The following VRK2 variants were observed in gnomAD, a reference collection of about 807,000 sequenced individuals.
VRK2 encodes serine/threonine-protein kinase VRK2.
In VRK2, 60 loss-of-function variants were observed where a neutral mutation model predicts 57.6. The observed-to-expected ratio is 1.04, with a 90% CI of 0.85 to 1.29. VRK2 has a LOEUF of 1.29. Among genes scored for constraint, VRK2 ranks in the 50% most tolerant of loss-of-function variants. VRK2 has a pLI of 0.00. For synonymous variants in VRK2, 231 were observed against 199.2 expected, an observed-to-expected ratio of 1.16 and a Z score of -1.35; for missense variants, 705 against 588.1, an observed-to-expected ratio of 1.20 and a Z score of -2.06.
At chr2:58,157,095 A>C (rs1184310082) in intron 12 of VRK2, among the ~76,000 whole-genome samples, 1 of 152,040 alleles carries the variant, frequency 6.6e-6, no homozygotes, top group East Asian at 1.9e-4. Flanking sequence ...GGCCTTTCTT[A>C]GGTCTGTGTT....
At chr2:57,979,277 C>G (rs1672343780) in intron 1 of VRK2, among the ~76,000 whole-genome samples, 1 of 151,012 alleles carries the variant, frequency 6.6e-6, no homozygotes, top group Admixed American at 6.6e-5. Flanking sequence ...TTTACATTCC[C>G]ACCAACAGTG....
intron 1 of VRK2, among the ~76,000 whole-genome samples, chr2:57,960,955 G>T (rs969695931): frequency 6.6e-6 from 1 of 152,146 alleles, no homozygotes; most frequent in African/African-American, 2.4e-5. Flanking sequence ...TGGGTAGCAT[G>T]CATTTATTCA....
In VRK2 at chr2:58,137,043, TAA is replaced by T. The variant is rs553964779; in HGVS notation, c.856+1845_856+1846del. 1.2e-4 allele frequency among the ~76,000 whole-genome samples: 15 copies of T among 129,776 alleles called. No individual in the cohort carries two copies. The South Asian group carries it at 1.8e-3, about 16-fold the overall frequency. The allele number at this position is 129,776 out of a possible 152,430, so 85.1% of individuals were successfully genotyped here. A position where few individuals can be genotyped will look rare whatever the true frequency, so the allele number is the denominator to read the frequency against. On this transcript the variant is annotated intron_variant, in intron 10 of 12. Transcript: ENST00000340157. ...CTCATATGTGTATATATATCATATA[TAA>T]TATATATGTGTATATATCATATATC...
intron 10 of VRK2, among the ~76,000 whole-genome samples, chr2:58,136,784 G>GTA (rs1020878114): frequency 2.1e-5 from 3 of 143,172 alleles, no homozygotes; most frequent in Non-Finnish European, 3.0e-5. Flanking sequence ...ATATATATGT[G>GTA]TATATATATC....
chr2:57,932,975 A>C (rs1006383436), intron 1 of VRK2, among the ~76,000 whole-genome samples: 2 of 152,070 alleles, frequency 1.3e-5, no homozygotes, highest in African/African-American at 4.8e-5. Flanking sequence ...TATATTGTGA[A>C]TATTTCAATT....
rs58729342 is a variant in VRK2 at position 58,028,903 on chromosome 2, A to AATATATATATAT, written c.-333+3162_-333+3173dup. Among the ~76,000 whole-genome samples, 328 of 53,964 alleles carry AATATATATATAT rather than the reference A, an allele frequency of 6.1e-3. 8 individuals are homozygous for AATATATATATAT. Among genetic ancestry groups the AATATATATATAT allele is most frequent in the Non-Finnish European group, 9.0e-3 (253 of 28,186 alleles). 35.4% of individuals were successfully genotyped at this position (53,964 alleles called of 152,430 possible). The stretch of plus-strand genomic sequence containing the variant: ...AGTATAATAAATAAATAAATAAATA[A>AATATATATATAT]ATATATATATATATATATATATATA... On this transcript the variant is annotated intron_variant, in intron 2 of 15. Transcript: ENST00000417641.
At chr2:57,964,375 T>A (rs566223627) in intron 1 of VRK2, among the ~76,000 whole-genome samples, 76 of 152,246 alleles carry the variant, frequency 5.0e-4, no homozygotes, top group African/African-American at 1.6e-3. Context: ...CTCATCATCT[T>A]CAGGTTAAGT....
chr2:57,944,735 C>CAA (rs200114144), intron 1 of VRK2, among the ~76,000 whole-genome samples: 24 of 121,304 alleles, frequency 2.0e-4, no homozygotes, highest in African/African-American at 4.0e-4. Flanking sequence ...GACTCTGTCT[C>CAA]AAAAAAAAAA....
At chr2:57,975,922 C>T (rs4672226) in intron 1 of VRK2, among the ~76,000 whole-genome samples, 49,112 of 151,802 alleles carry the variant, frequency 0.32, 9,386 homozygotes, top group East Asian at 0.47. Flanking sequence ...TCCTCTCACC[C>T]TCCACCTTCA....
intron 7 of VRK2, among the ~76,000 whole-genome samples, chr2:58,107,151 A>C (rs1220173438): frequency 6.6e-6 from 1 of 152,054 alleles, no homozygotes; most frequent in Non-Finnish European, 1.5e-5. Context: ...TTTTTGCCTT[A>C]TGGTATCTTG....
chr2:58,057,766 T>G (rs970095471), intron 2 of VRK2, among the ~76,000 whole-genome samples: 2 of 152,146 alleles, frequency 1.3e-5, no homozygotes, highest in African/African-American at 2.4e-5. Context: ...GCTTTTGTTA[T>G]GGTTTCTGGG....
chr2:57,953,899 A>G (rs756961411), intron 1 of VRK2, among the ~76,000 whole-genome samples: 3 of 152,174 alleles, frequency 2.0e-5, no homozygotes, highest in Non-Finnish European at 4.4e-5. Context: ...ATAAAATCGT[A>G]TCACAAAAAA....
At chr2:57,927,701 T>C (rs1022096932) in intron 1 of VRK2, among the ~76,000 whole-genome samples, 1 of 152,222 alleles carries the variant, frequency 6.6e-6, no homozygotes, top group East Asian at 1.9e-4. Flanking sequence ...AAACTCCCTT[T>C]AGCATTTTTT....
At chr2:57,927,459 T>A (rs1482183023) in intron 1 of VRK2, among the ~76,000 whole-genome samples, 1 of 152,094 alleles carries the variant, frequency 6.6e-6, no homozygotes. Flanking sequence ...GTATTTTTAG[T>A]AGAGACGGGG....
At chr2:58,157,772 G>C (rs1421304075) in intron 12 of VRK2, among the ~76,000 whole-genome samples, 1 of 152,172 alleles carries the variant, frequency 6.6e-6, no homozygotes, top group Non-Finnish European at 1.5e-5. Flanking sequence ...AGGCCAGAAA[G>C]AAAATATTTT....
At chr2:58,014,295 G>A (rs1450601584) in intron 1 of VRK2, among the ~76,000 whole-genome samples, 2 of 152,156 alleles carry the variant, frequency 1.3e-5, no homozygotes, top group Admixed American at 6.5e-5. Flanking sequence ...TATCAATACT[G>A]TATGGTCAAA....
intron 1 of VRK2, among the ~76,000 whole-genome samples, chr2:57,996,176 G>C (rs1270879480): frequency 6.6e-6 from 1 of 152,078 alleles, no homozygotes; most frequent in Non-Finnish European, 1.5e-5. Context: ...CATATCCTTG[G>C]GGGATAAGGA....
At chr2:58,009,967 C>T (rs1229909768) in intron 1 of VRK2, among the ~76,000 whole-genome samples, 3 of 152,054 alleles carry the variant, frequency 2.0e-5, no homozygotes, top group Non-Finnish European at 4.4e-5. Flanking sequence ...CACTAGGACA[C>T]CACCAAAATT....
chr2:58,092,880 T>C (rs1672573783), intron 7 of VRK2, among the ~76,000 whole-genome samples: 2 of 152,204 alleles, frequency 1.3e-5, no homozygotes, highest in African/African-American at 4.8e-5. Context: ...GTTCTCATTG[T>C]TCAATTCCCA....
Sources: gnomAD v4.1 joint callset for allele counts (sites outside exome capture counted in the v4.1 genomes callset) on GRCh38, gnomAD v4.1.1 for gene constraint, MANE v1.5 for transcripts, NCBI Gene and HGNC (gene_info 2026-07-23, HGNC 2026-07-21) for gene names.